Variants in DSG2 observed in about 807,000 individuals in gnomAD.
DSG2 encodes the protein desmoglein-2.
A neutral mutation model predicts 75.6 loss-of-function variants in DSG2; 45 were observed. The observed-to-expected ratio is 0.60, with a 90% confidence interval of 0.47 to 0.76. The LOEUF (loss-of-function observed/expected upper bound fraction) is 0.76, where lower values mean the gene tolerates loss of function less well. Ranked by LOEUF, DSG2 falls within the 30% of genes least tolerant of loss-of-function variation. The probability of loss-of-function intolerance (pLI) is 0.00; values close to 1 mark genes in which losing one functional copy is unlikely to be tolerated. For missense variants in DSG2, 1,267 were observed against 1,357.4 expected (o/e 0.93, Z 1.05); for synonymous variants, 429 against 483.9 (o/e 0.89, Z 1.49).
intron 3 of DSG2, among the ~76,000 whole-genome samples, chr18:31,520,226 T>C (rs764437321): frequency 1.3e-5 from 2 of 152,166 alleles, no homozygotes; most frequent in Non-Finnish European, 2.9e-5. Context: ...ACACAAAATG[T>C]TCAGTGCTCA....
Position 31,547,099 on chromosome 18 carries a change from C to A in DSG2, c.*356C>A. The A allele has an allele frequency of 2.7e-6, 1 of 376,194 alleles. No homozygotes were observed. The allele number at this position is 376,194 out of a possible 1,614,324, so 23.3% of individuals were successfully genotyped here. ...TCATCAGCCGTCCAGTAAAGCAACCCAGGAAACTGACTGGGTCTCTTTGCC... is the reference window on the plus strand; with the variant it reads ...TCATCAGCCGTCCAGTAAAGCAACCAAGGAAACTGACTGGGTCTCTTTGCC... On this transcript the variant is annotated 3_prime_UTR_variant, in exon 15 of 15. Coordinates refer to ENST00000261590, the MANE Select transcript of DSG2 (RefSeq NM_001943.5).
At chr18:31,541,783 C>T (rs142922889) in intron 13 of DSG2, among the ~76,000 whole-genome samples, 80 of 152,314 alleles carry the variant, frequency 5.3e-4, no homozygotes, top group African/African-American at 1.9e-3. Context: ...GGACCTCTCA[C>T]CACCATCTGT....
At chr18:31,527,502 C>T (rs780310030) in intron 8 of DSG2, among the ~76,000 whole-genome samples, 5 of 152,054 alleles carry the variant, frequency 3.3e-5, no homozygotes, top group African/African-American at 7.2e-5. Flanking sequence ...TGAAAGCAAC[C>T]GAGTGAGATA....
chr18:31,514,096 G>A (rs573330551), intron 1 of DSG2, among the ~76,000 whole-genome samples: 84 of 152,280 alleles, frequency 5.5e-4, no homozygotes, highest in African/African-American at 1.9e-3. Flanking sequence ...AACAGCAAAA[G>A]AACATTAGTG....
At chr18:31,521,267 T>TTTA in intron 5 of DSG2, 24 bp downstream of exon 5, 1 of 1,534,820 alleles carries the variant, frequency 6.5e-7, no homozygotes, top group Admixed American at 1.8e-5. Context: ...TTTTTTTTTT[T>TTTA]AATAAATAAA....
intron 1 of DSG2, among the ~76,000 whole-genome samples, chr18:31,511,174 C>T (rs1164550850): frequency 2.0e-5 from 3 of 152,194 alleles, no homozygotes; most frequent in Non-Finnish European, 2.9e-5. Context: ...ATCAGAGAAA[C>T]GCAGCCATGG....
chr18:31,532,974 G>C (rs560104584), intron 9 of DSG2, among the ~76,000 whole-genome samples: 77 of 152,170 alleles, frequency 5.1e-4, no homozygotes, highest in African/African-American at 1.8e-3. Context: ...TGTGTGTTCT[G>C]CCTGGAAGAA....
At chr18:31,541,730 A>G (rs2073269367) in intron 13 of DSG2, among the ~76,000 whole-genome samples, 1 of 152,108 alleles carries the variant, frequency 6.6e-6, no homozygotes, top group Non-Finnish European at 1.5e-5. Context: ...TCCCAACTAC[A>G]TCATAGCCAT....
chr18:31,528,453 T>A (rs2073175447), intron 8 of DSG2, among the ~76,000 whole-genome samples: 1 of 152,160 alleles, frequency 6.6e-6, no homozygotes, highest in Admixed American at 6.5e-5. Flanking sequence ...GGCTCCCGCC[T>A]GTAATCCCAG....
intron 8 of DSG2, among the ~76,000 whole-genome samples, chr18:31,528,128 GCAGTTTGA>G (rs760621751): frequency 5.6e-4 from 86 of 152,270 alleles, no homozygotes; most frequent in Middle Eastern, 6.8e-3. Context: ...CATGATGCAG[GCAGTTTGA>G]CAGTTTCTTT....
chr18:31,498,202 A>AGGCGGCGGCGCGGAGCGGTGC lies in DSG2; in HGVS notation c.-41_-21dup. ...GAGGAGCCGAGTGCGCGCTCGGGGC[A>AGGCGGCGGCGCGGAGCGGTGC]GGCGGCGGCGCGGAGCGGTGCGGCG... On this transcript the variant is annotated 5_prime_UTR_variant, in exon 1 of 15. Coordinates refer to ENST00000261590, the MANE Select transcript of DSG2 (RefSeq NM_001943.5). 4.1e-6 allele frequency: 5 copies of AGGCGGCGGCGCGGAGCGGTGC among 1,232,108 alleles called. No homozygotes were observed. Among genetic ancestry groups the AGGCGGCGGCGCGGAGCGGTGC allele is most frequent in the Admixed American group, 4.3e-5 (1 of 23,264 alleles). 76.3% of individuals were successfully genotyped at this position (1,232,108 alleles called of 1,614,324 possible). A position where few individuals can be genotyped will look rare whatever the true frequency, so the allele number is the denominator to read the frequency against.
At chr18:31,543,674 TG>T (rs2073284817) in intron 14 of DSG2, among the ~76,000 whole-genome samples, 1 of 152,078 alleles carries the variant, frequency 6.6e-6, no homozygotes, top group African/African-American at 2.4e-5. Flanking sequence ...AAGACCAGCT[TG>T]GGCAATATGT....
chr18:31,519,645 A>T (rs1390710339), intron 2 of DSG2, among the ~76,000 whole-genome samples, 158 bp from the exon 3 acceptor site: 1 of 152,178 alleles, frequency 6.6e-6, no homozygotes, highest in Non-Finnish European at 1.5e-5. Flanking sequence ...AGTTTGCTAG[A>T]ATATATATAT....
chr18:31,541,237 A>G lies in DSG2; in HGVS notation c.1924A>G (p.Lys642Glu), dbSNP rs2144350693. 1 of 1,614,170 alleles carries G rather than the reference A, an allele frequency of 6.2e-7. No homozygotes were observed. Among genetic ancestry groups the G allele is most frequent in the East Asian group, 2.2e-5 (1 of 44,884 alleles). The change falls in exon 13 of 15, where the codon AAA becomes GAA. Residue 642 changes from lysine (K) to glutamate (E), a missense_variant. By Grantham distance (56) the Lys-to-Glu change is moderately conservative. Coordinates refer to ENST00000261590, the MANE Select transcript of DSG2 (RefSeq NM_001943.5). Reference sequence around the variant, plus strand: ...GATGTGCCATTGCGGAAAGGGCGCCAAAGGCTTTACCCCCATACCTGGCAC... The same window carrying G: ...GATGTGCCATTGCGGAAAGGGCGCCGAAGGCTTTACCCCCATACCTGGCAC... ...LLMCHCGKGA[K>E]GFTPIPGTIE...
intron 11 of DSG2, among the ~76,000 whole-genome samples, chr18:31,538,358 C>G (rs1358966488): frequency 6.6e-6 from 1 of 151,988 alleles, no homozygotes; most frequent in Non-Finnish European, 1.5e-5. Context: ...ATGCTCTTCT[C>G]TTTATTACTA....
At chr18:31,535,158 G>A (rs1340266496) in intron 9 of DSG2, 112 bp from the exon 10 acceptor site, 5 of 798,598 alleles carry the variant, frequency 6.3e-6, no homozygotes, top group South Asian at 1.7e-5. Flanking sequence ...ACAAATGCCT[G>A]TAATAAGAAC....
At chr18:31,531,767 C>T (rs964274549) in intron 9 of DSG2, among the ~76,000 whole-genome samples, 1 of 152,232 alleles carries the variant, frequency 6.6e-6, no homozygotes, top group Non-Finnish European at 1.5e-5. Context: ...TTGTCTTGAT[C>T]ATGGTGACCT....
intron 1 of DSG2, among the ~76,000 whole-genome samples, chr18:31,500,132 G>C (rs2073006513): frequency 6.6e-6 from 1 of 151,842 alleles, no homozygotes; most frequent in East Asian, 1.9e-4. Context: ...ATAAATTGTA[G>C]TCTGTTAGAT....
intron 1 of DSG2, 122 bp from the exon 2 acceptor site, chr18:31,518,117 G>A (rs746739621): frequency 2.6e-6 from 2 of 763,392 alleles, no homozygotes; most frequent in Non-Finnish European, 4.5e-6. Flanking sequence ...ACAAAGAATA[G>A]TAGTAGTGGT....
Sources: allele counts gnomAD v4.1 joint callset (sites outside exome capture counted in the v4.1 genomes callset), GRCh38; gene constraint gnomAD v4.1.1; transcripts MANE v1.5; gene names NCBI Gene and HGNC (gene_info 2026-07-23, HGNC 2026-07-21).